The following C3 variants were observed in gnomAD, a reference collection of about 807,000 sequenced individuals.
C3 encodes C3 and PZP-like alpha-2-macroglobulin domain-containing protein 1.
C3 carries 97 observed loss-of-function variants against 207.9 expected under a neutral mutation model. The observed-to-expected ratio is 0.47, with a 90% CI of 0.40 to 0.55. The LOEUF (loss-of-function observed/expected upper bound fraction) is 0.55, where lower values mean the gene tolerates loss of function less well. Among genes scored for constraint, C3 ranks in the 20% least tolerant of loss-of-function variants. C3 has a pLI of 0.00. For synonymous variants in C3, 848 were observed against 857.6 expected, an observed-to-expected ratio of 0.99 and a Z score of 0.20; for missense variants, 1,684 against 2,171.7, an observed-to-expected ratio of 0.78 and a Z score of 4.46.
chr19:6,702,385 TCCAGAGAAGA>T, intron 18 of C3, 76 bp downstream of exon 18: 1 of 1,077,386 alleles, frequency 9.3e-7, no homozygotes, highest in Admixed American at 1.7e-5. Flanking sequence ...GCACTGTGAT[TCCAGAGAAGA>T]CCAGAGATAG....
rs1198580081 is a variant in C3, at chr19:6,697,424, C to T, written c.2716G>A (p.Gly906Ser). ...GCCTTGACTTCCACTTCCTGCAGGC[C>T]GGTCTTTAGCGGCACGATGACATAT... ...VPYVIVPLKT[G>S]LQEVEVKAAV... Residue 906 changes from glycine to serine, a missense_variant, in exon 21 of 41, where the codon GGC becomes AGC. Gly to Ser is a moderately conservative substitution (Grantham distance 56). Coordinates refer to ENST00000245907, the MANE Select transcript of C3 (RefSeq NM_000064.4). 5 of 1,613,674 alleles carry T rather than the reference C, an allele frequency of 3.1e-6. No homozygotes were observed. The highest frequency in any genetic ancestry group is 2.2e-5 in the East Asian group (1 of 44,868).
chr19:6,709,609 A>AGGG, intron 14 of C3, 75 bp downstream of exon 14: 1 of 1,351,664 alleles, frequency 7.4e-7, no homozygotes, highest in Non-Finnish European at 1.1e-6. Flanking sequence ...TGCCCTCTCC[A>AGGG]GTCCCACCCA....
Position 6,696,628 on chromosome 19 carries a change from G to A in C3, c.2828C>T (p.Ala943Val), listed in dbSNP as rs1487066168. ...PEGIRMNKTV[A>V]VRTLDPERLG... ...GCGTTCTGGATCCAGGGTGCGAACA[G>A]CCACAGTTTTGTTCATTCTGATTCC... The change falls in exon 22 of 41, where the codon GCT (alanine) becomes GTT (valine). Residue 943 changes from alanine (A) to valine (V), a missense_variant. Physicochemically the swap from Ala to Val is moderately conservative, Grantham distance 64. Around this residue, in one of 3 missense-constraint regions of C3, gnomAD observed 1,280 missense variants for 1,739.1 expected, o/e 0.74. Transcript: ENST00000245907. The A allele has an allele frequency of 6.2e-7, 1 of 1,613,960 alleles. No individual in the cohort carries two copies. Among genetic ancestry groups the A allele is most frequent in the Admixed American group, 1.7e-5 (1 of 59,974 alleles).
chr19:6,695,721 T>G (rs942172173), intron 23 of C3, among the ~76,000 whole-genome samples: 1 of 151,938 alleles, frequency 6.6e-6, no homozygotes, highest in African/African-American at 2.4e-5. Flanking sequence ...TCAGGTGGTC[T>G]GCCTGCCTCG....
chr19:6,711,532 G>A (rs984230523), intron 11 of C3, among the ~76,000 whole-genome samples: 2 of 152,144 alleles, frequency 1.3e-5, no homozygotes, highest in East Asian at 1.9e-4. Flanking sequence ...AAAAGCAAGG[G>A]AGCGAACTTT....
chr19:6,684,359 A>C lies in C3; in HGVS notation c.4172+29T>G, dbSNP rs776961480. ...CTTGCTAGAGATAGAGGGATGGCCA[A>C]GATGAACCCCGGTGACCTAGCTTCT... is the stretch of plus-strand genomic sequence containing the variant. On this transcript the variant is annotated intron_variant, in intron 33 of 40. Transcript: ENST00000245907. 5.0e-6 allele frequency: 8 copies of C among 1,596,704 alleles called. No individual in the cohort carries two copies. The South Asian group carries it at 8.8e-5, about 18-fold the overall frequency.
At position 6,691,055 on chromosome 19, in the gene C3, C is replaced by CTTTT. The variant is rs112828808; in HGVS notation, c.3391-332_3391-329dup. Among the ~76,000 whole-genome samples the CTTTT allele has an allele frequency of 2.1e-3, 273 of 131,740 alleles. 2 individuals carry two copies. Among genetic ancestry groups the CTTTT allele is most frequent in the African/African-American group, 6.4e-3 (225 of 35,260 alleles). The allele number at this position is 131,740 out of a possible 152,430, so 86.4% of individuals were successfully genotyped here. A position where few individuals can be genotyped will look rare whatever the true frequency, so the allele number is the denominator to read the frequency against. On this transcript the variant is annotated intron_variant, in intron 26 of 40. Transcript: ENST00000245907. The stretch of plus-strand genomic sequence containing the variant: ...CATCCAGCTCCTCAAGAGATATACA[C>CTTTT]TTTTTTTTTTTTTTTTTGGGACAGT...
intron 19 of C3, among the ~76,000 whole-genome samples, chr19:6,701,563 C>G (rs1967674200): frequency 6.6e-6 from 1 of 152,174 alleles, no homozygotes; most frequent in Non-Finnish European, 1.5e-5. Flanking sequence ...TCTTGTTGCC[C>G]AGGCTGGAGT....
In C3 at chr19:6,685,919, A is replaced by T. The variant is rs11569582; in HGVS notation, c.3810+205T>A. 0.046 allele frequency among the ~76,000 whole-genome samples: 6,981 copies of T among 152,314 alleles called. 221 individuals carry two copies. The highest frequency in any genetic ancestry group is 0.07 in the Non-Finnish European group (4,770 of 68,024). ...ACCTGGGGCAAGAAGAAGGCTCAAC[A>T]CACAGCTTGGAGTACCCAGATTGTA... On this transcript the variant is annotated intron_variant, in intron 29 of 40. Transcript: ENST00000245907.
At position 6,709,756 on chromosome 19, in the gene C3, G is replaced by A. The variant is rs374529143; in HGVS notation, c.1773C>T (p.Ala591=). ...MTLKIEGDHG[A]RVVLVAVDKG... ...TGTCCACGGCCACCAGTACCACCCG[G>A]GCCCCGTGGTCACCCTCTATCTTCA... The change falls in exon 14 of 41, where the codon GCC becomes GCT. Residue 591 remains alanine, a synonymous_variant. Transcript: ENST00000245907. 15 of 1,613,870 alleles carry A rather than the reference G, an allele frequency of 9.3e-6. No individual in the cohort carries two copies. Among genetic ancestry groups the A allele is most frequent in the African/African-American group, 4.0e-5 (3 of 74,868 alleles).
intron 13 of C3, among the ~76,000 whole-genome samples, chr19:6,710,245 AG>A (rs1426974869): frequency 9.3e-6 from 1 of 107,790 alleles, no homozygotes; most frequent in East Asian, 5.4e-4. Flanking sequence ...AGGGAGAGAG[AG>A]AAAGGGAGAG....
chr19:6,708,572 CTTCCTTCT>C (rs1160437988), intron 14 of C3, among the ~76,000 whole-genome samples: 1 of 146,274 alleles, frequency 6.8e-6, no homozygotes, highest in African/African-American at 2.6e-5. Context: ...TCCTTCCTTC[CTTCCTTCT>C]TTCCTTCCTT....
chr19:6,693,387 G>A (rs1212201248), intron 25 of C3, 25 bp downstream of exon 25: 12 of 1,596,696 alleles, frequency 7.5e-6, no homozygotes, highest in Admixed American at 1.7e-5. Context: ...AGTATGCATG[G>A]CCTGAGCTGG....
intron 17 of C3, among the ~76,000 whole-genome samples, chr19:6,706,067 G>T (rs1326632622): frequency 6.6e-6 from 1 of 152,222 alleles, no homozygotes; most frequent in Non-Finnish European, 1.5e-5. Flanking sequence ...AAAACTGAAT[G>T]CATGCATGAA....
At chr19:6,717,465 T>G in intron 4 of C3, 1 of 183,184 alleles carries the variant, frequency 5.5e-6, no homozygotes, top group Admixed American at 5.7e-5. Flanking sequence ...GGTTGTGTGT[T>G]GGGTTGTGTG....
Position 6,713,510 on chromosome 19 carries a change from C to A in C3, c.774-1G>T. On this transcript the variant is annotated splice_acceptor_variant, in intron 7 of 40. Transcript: ENST00000245907. LOFTEE classifies it high-confidence loss of function. Reference sequence around the variant, plus strand: ...CTCCACTTTCTTCCCGTAGAGGAACCTACGGGACAGACAAGGAGGGCTTCA... The same window carrying A: ...CTCCACTTTCTTCCCGTAGAGGAACATACGGGACAGACAAGGAGGGCTTCA... 6.2e-7 allele frequency: 1 copy of A among 1,611,068 alleles called. No individual in the cohort carries two copies. The highest frequency in any genetic ancestry group is 1.7e-5 in the Admixed American group (1 of 59,988).
intron 19 of C3, among the ~76,000 whole-genome samples, chr19:6,699,558 T>C (rs10415542): frequency 0.81 from 123,592 of 151,934 alleles, 50,572 homozygotes; most frequent in East Asian, 0.91. Flanking sequence ...GCCAACATGG[T>C]GACACCCTGT....
At chr19:6,701,548 T>C (rs1383919989) in intron 19 of C3, among the ~76,000 whole-genome samples, 1 of 152,120 alleles carries the variant, frequency 6.6e-6, no homozygotes, top group African/African-American at 2.4e-5. Context: ...GAGAAGGAGT[T>C]TTGCTCTTGT....
At chr19:6,691,479 T>C (rs1918167069) in intron 26 of C3, among the ~76,000 whole-genome samples, 1 of 152,110 alleles carries the variant, frequency 6.6e-6, no homozygotes, top group South Asian at 2.1e-4. Context: ...GAGTCAACTC[T>C]CACAGACGGC....
Sources: allele counts gnomAD v4.1 joint callset (sites outside exome capture counted in the v4.1 genomes callset), GRCh38; gene constraint gnomAD v4.1.1; regional missense constraint gnomAD v4.1.1; transcripts MANE v1.5; gene names NCBI Gene and HGNC (gene_info 2026-07-23, HGNC 2026-07-21).